Variants in MID1 observed in about 807,000 individuals in gnomAD.
MID1 encodes midline 1, also known as E3 ubiquitin-protein ligase Midline-1.
In MID1, 7 loss-of-function variants were observed where a neutral mutation model predicts 40.4. The observed-to-expected ratio is 0.17, with a 90% CI of 0.10 to 0.33. The LOEUF (loss-of-function observed/expected upper bound fraction) is 0.33. Ranked by LOEUF, MID1 falls within the 10% of genes least tolerant of loss-of-function variation. The pLI is 1.00. For missense variants in MID1, 367 were observed against 558.5 expected (o/e 0.66, Z 3.46); for synonymous variants, 229 against 221.2 (o/e 1.04, Z -0.31).
chrX:10,619,061 C>T (rs1935888260), intron 1 of MID1, among the ~76,000 whole-genome samples: 1 of 111,628 alleles, frequency 9.0e-6, no homozygotes, highest in Non-Finnish European at 1.9e-5. Context: ...GGCACTTGCT[C>T]CTCCGCAAGT....
chrX:10,783,235 G>A (rs1185318761), intron 1 of MID1, among the ~76,000 whole-genome samples: 3 of 111,154 alleles, frequency 2.7e-5, no homozygotes, highest in Admixed American at 1.9e-4. Context: ...TCTTGGTGCC[G>A]TATTTCAAGA....
intron 1 of MID1, among the ~76,000 whole-genome samples, chrX:10,775,801 C>A (rs1417962703): frequency 1.8e-5 from 2 of 111,266 alleles, no homozygotes; most frequent in Non-Finnish European, 1.9e-5. Flanking sequence ...TGATTGAAAA[C>A]CAGGTGACCT....
At chrX:10,773,874 G>A (rs924263618) in intron 1 of MID1, among the ~76,000 whole-genome samples, 4 of 112,065 alleles carry the variant, frequency 3.6e-5, no homozygotes. Flanking sequence ...TGCATGAAAT[G>A]CAAATAATAA....
rs143548472 is a variant in MID1 at position 10,775,639 on chromosome X, G to A, written c.-187+57915C>T. The stretch of plus-strand genomic sequence containing the variant: ...AGACATTAATGAAGCCCCTGCATCA[G>A]ACAGAGGTATTGTAAGATTCTTTCC... On this transcript the variant is annotated intron_variant, in intron 1 of 10. Coordinates refer to the MID1 transcript ENST00000380785. 7.8e-4 allele frequency among the ~76,000 whole-genome samples: 87 copies of A among 111,754 alleles called. 1 individual carries two copies. The East Asian group carries it at 0.016, about 21-fold the overall frequency.
At chrX:10,474,083 A>C (rs948418402) in intron 6 of MID1, among the ~76,000 whole-genome samples, 2 of 111,768 alleles carry the variant, frequency 1.8e-5, no homozygotes, top group Non-Finnish European at 3.8e-5. Flanking sequence ...AAGTTTTTGG[A>C]GTTTGTACAG....
intron 4 of MID1, among the ~76,000 whole-genome samples, 163 bp from the exon 5 acceptor site, chrX:10,482,791 T>C (rs1031352301): frequency 8.9e-6 from 1 of 112,745 alleles, no homozygotes; most frequent in Admixed American, 9.3e-5. Context: ...TATGGGACTC[T>C]GGTTTAGATA....
intron 2 of MID1, among the ~76,000 whole-genome samples, chrX:10,557,581 T>C (rs1336267646): frequency 8.9e-6 from 1 of 112,055 alleles, no homozygotes; most frequent in East Asian, 2.8e-4. Flanking sequence ...AGCCCTACTT[T>C]CCTCATCTGC....
intron 1 of MID1, among the ~76,000 whole-genome samples, chrX:10,750,390 C>A (rs749176149): frequency 1.8e-5 from 2 of 111,185 alleles, no homozygotes; most frequent in African/African-American, 6.6e-5. Flanking sequence ...CCAGCCCTCT[C>A]GGAGGCTGAG....
chrX:10,815,123 T>A (rs1415938230), intron 1 of MID1, among the ~76,000 whole-genome samples: 1 of 112,240 alleles, frequency 8.9e-6, no homozygotes, highest in Non-Finnish European at 1.9e-5. Context: ...ATATTCCCTT[T>A]GCACATATTT....
intron 1 of MID1, among the ~76,000 whole-genome samples, chrX:10,763,439 GTTTGCTCAGA>G (rs1362955799): frequency 9.2e-6 from 1 of 108,980 alleles, no homozygotes; most frequent in Non-Finnish European, 1.9e-5. Flanking sequence ...CCTTGTGATA[GTTTGCTCAGA>G]ATGATGGTCT....
At chrX:10,600,618 A>G (rs1430635883) in intron 1 of MID1, among the ~76,000 whole-genome samples, 1 of 111,716 alleles carries the variant, frequency 9.0e-6, no homozygotes, top group Non-Finnish European at 1.9e-5. Context: ...TTTCCCACTC[A>G]TTACCCAGGA....
At chrX:10,751,926 T>C (rs2043601158) in intron 1 of MID1, among the ~76,000 whole-genome samples, 1 of 111,435 alleles carries the variant, frequency 9.0e-6, no homozygotes, top group South Asian at 3.8e-4. Flanking sequence ...CTTGCTCAGT[T>C]AGTTCACATG....
In MID1 at chrX:10,610,495, G is replaced by C. The variant is rs770618046; in HGVS notation, c.-57+9795C>G. Among the ~76,000 whole-genome samples, 31 of 111,765 alleles carry C rather than the reference G, an allele frequency of 2.8e-4. 1 individual carries two copies. The highest frequency in any genetic ancestry group is 1.0e-3 in the African/African-American group (31 of 30,789). ...TTTGTTTTTAAAGAGGAAGCTCTCT[G>C]TGGACTGTTATGGAAAGATCTCTAG... is the stretch of plus-strand genomic sequence containing the variant. On this transcript the variant is annotated intron_variant, in intron 1 of 9. Coordinates refer to ENST00000317552, the MANE Select transcript of MID1 (RefSeq NM_000381.4).
intron 1 of MID1, among the ~76,000 whole-genome samples, chrX:10,656,585 C>T (rs1314778452): frequency 9.0e-6 from 1 of 111,628 alleles, no homozygotes; most frequent in African/African-American, 3.3e-5. Flanking sequence ...CAGTTTCCAG[C>T]CTAGATCTGA....
chrX:10,609,975 C>T (rs186283474), intron 1 of MID1, among the ~76,000 whole-genome samples: 5,159 of 111,539 alleles, frequency 0.046, 204 homozygotes, highest in African/African-American at 0.12. Flanking sequence ...GCCTCGGCTT[C>T]CCAAAGTGCT....
At chrX:10,640,342 C>G (rs113554722) in intron 1 of MID1, among the ~76,000 whole-genome samples, 2 of 109,788 alleles carry the variant, frequency 1.8e-5, no homozygotes, top group African/African-American at 3.3e-5. Context: ...AAATGGGGGG[C>G]AAAAAAAGCA....
chrX:10,713,170 C>T, intron 1 of MID1, among the ~76,000 whole-genome samples: 2 of 111,727 alleles, frequency 1.8e-5, no homozygotes, highest in Middle Eastern at 9.3e-3. Flanking sequence ...CTAGGTGATG[C>T]TAATGCATGC....
intron 2 of MID1, among the ~76,000 whole-genome samples, chrX:10,564,705 G>T (rs1934459387): frequency 9.0e-6 from 1 of 111,475 alleles, no homozygotes; most frequent in Non-Finnish European, 1.9e-5. Flanking sequence ...TAAATTTGGA[G>T]ATGTTATGTA....
chrX:10,553,445 T>C (rs1171759821), intron 2 of MID1, among the ~76,000 whole-genome samples: 1 of 111,361 alleles, frequency 9.0e-6, no homozygotes. Context: ...GTTTTATTAT[T>C]GACTAACACA....
Sources: allele counts gnomAD v4.1 joint callset (sites outside exome capture counted in the v4.1 genomes callset), GRCh38; gene constraint gnomAD v4.1.1; transcripts MANE v1.5; gene names NCBI Gene and HGNC (gene_info 2026-07-23, HGNC 2026-07-21).